The following DNAH17 variants were observed in gnomAD, a reference collection of about 807,000 sequenced individuals.
DNAH17 encodes dynein axonemal heavy chain 17, also known as axonemal beta dynein heavy chain 17.
Under a neutral mutation model 485.6 loss-of-function variants are expected in DNAH17, and 376 were observed. That is an observed-to-expected ratio of 0.77 (90% confidence interval 0.71 to 0.84). The LOEUF is 0.84. DNAH17 is among the 40% of genes least tolerant of loss of function. DNAH17 has a pLI of 0.00. For missense variants in DNAH17, 6,370 were observed against 5,839.3 expected (o/e 1.09, Z -2.96); for synonymous variants, 3,031 against 2,405.9 (o/e 1.26, Z -7.60).
chr17:78,451,102 G>T (rs574883293), intron 66 of DNAH17, among the ~76,000 whole-genome samples: 7 of 152,256 alleles, frequency 4.6e-5, no homozygotes, highest in Non-Finnish European at 8.8e-5. Context: ...GGCCTCCTGA[G>T]CCCATGCAAG....
In DNAH17 at chr17:78,572,719, G is replaced by A. The variant is rs776213977; in HGVS notation, c.521C>T (p.Thr174Met). The A allele has an allele frequency of 5.0e-5, 81 of 1,608,242 alleles. No homozygotes were observed. Among genetic ancestry groups the A allele is most frequent in the Middle Eastern group, 3.3e-4 (2 of 6,054 alleles). The part of the protein sequence containing the change: ...IPEHLGSLDG[T>M]LESMERIPSS... Reference sequence around the variant, plus strand: ...CACACACCTCTCCATGGACTCCAGCGTGCCATCCAGGCTGCCCAGGTGCTC... The same window carrying A: ...CACACACCTCTCCATGGACTCCAGCATGCCATCCAGGCTGCCCAGGTGCTC... The change falls in exon 3 of 81, where the codon ACG (threonine) becomes ATG (methionine). Residue 174 changes from threonine (T) to methionine (M), a missense_variant. By Grantham distance (81) the Thr-to-Met change is moderately conservative. Transcript: ENST00000389840.
chr17:78,454,419 G>A (rs1410814594), intron 64 of DNAH17, 51 bp downstream of exon 64: 26 of 1,469,208 alleles, frequency 1.8e-5, no homozygotes, highest in South Asian at 2.4e-5. Flanking sequence ...TGCCTAAGGC[G>A]TGCTTCCAAG....
At chr17:78,501,447 G>A in intron 34 of DNAH17, 103 bp from the exon 35 acceptor site, 1 of 1,388,136 alleles carries the variant, frequency 7.2e-7, no homozygotes, top group African/African-American at 1.4e-5. Flanking sequence ...GCTGCCCAGG[G>A]AACCCTCCCT....
At chr17:78,450,497 C>G in intron 67 of DNAH17, 103 bp from the exon 68 acceptor site, 3 of 1,500,588 alleles carry the variant, frequency 2.0e-6, no homozygotes, top group Non-Finnish European at 2.7e-6. Flanking sequence ...GGAAGCCACC[C>G]AAGGGCTCTC....
intron 6 of DNAH17, 64 bp downstream of exon 6, chr17:78,570,884 A>AAAAAAAAAT: frequency 1.4e-6 from 1 of 698,210 alleles, no homozygotes; most frequent in Non-Finnish European, 2.1e-6. Context: ...AAAAAGAAAA[A>AAAAAAAAAT]AGAAAAGAAA....
chr17:78,553,979 G>C (rs1184007865), intron 14 of DNAH17, among the ~76,000 whole-genome samples: 1 of 151,802 alleles, frequency 6.6e-6, no homozygotes, highest in Non-Finnish European at 1.5e-5. Context: ...TTTTAATATA[G>C]AGATGGGATC....
At chr17:78,428,174 G>A (rs2086544117) in intron 77 of DNAH17, 2 of 376,082 alleles carry the variant, frequency 5.3e-6, no homozygotes, top group Non-Finnish European at 1.0e-5. Flanking sequence ...CTGCTGTTGT[G>A]CTGGCCAGGC....
intron 62 of DNAH17, among the ~76,000 whole-genome samples, chr17:78,456,361 CTG>C (rs2087801290): frequency 6.6e-6 from 1 of 152,104 alleles, no homozygotes; most frequent in African/African-American, 2.4e-5. Flanking sequence ...CTTAGGAATG[CTG>C]TGTTTCCTCT....
intron 25 of DNAH17, among the ~76,000 whole-genome samples, chr17:78,519,972 G>A (rs548922190): frequency 6.6e-6 from 1 of 152,212 alleles, no homozygotes; most frequent in Non-Finnish European, 1.5e-5. Context: ...TTAGCTGGGT[G>A]TGGTGGTGGG....
chr17:78,502,515 G>A, intron 33 of DNAH17, 76 bp downstream of exon 33: 1 of 1,373,106 alleles, frequency 7.3e-7, no homozygotes, highest in Non-Finnish European at 9.8e-7. Flanking sequence ...GCAGGTTTCA[G>A]AAGGATACAC....
rs1421195350 is a variant in DNAH17, at chr17:78,425,581, C to T, written c.12916-10G>A. On this transcript the variant is annotated splice_polypyrimidine_tract_variant and intron_variant, in intron 79 of 80. Coordinates refer to ENST00000389840, the MANE Select transcript of DNAH17 (RefSeq NM_173628.4). Reference sequence around the variant, plus strand: ...TCCAGGCCTCGAGTTCCTGCAAGGACACACGAGCCGCTAGGAGGAGAGGAC... The same window carrying T: ...TCCAGGCCTCGAGTTCCTGCAAGGATACACGAGCCGCTAGGAGGAGAGGAC... The T allele has an allele frequency of 3.1e-6, 5 of 1,588,684 alleles. No individual in the cohort carries two copies. Among genetic ancestry groups the T allele is most frequent in the Non-Finnish European group, 3.4e-6 (4 of 1,168,950 alleles).
At chr17:78,481,358 C>T (rs931666253) in intron 48 of DNAH17, among the ~76,000 whole-genome samples, 1 of 152,204 alleles carries the variant, frequency 6.6e-6, no homozygotes, top group African/African-American at 2.4e-5. Context: ...CCGCCTCAGC[C>T]TCCCAAATGC....
chr17:78,544,087 C>T lies in DNAH17; in HGVS notation c.2392-90G>A, dbSNP rs139783639. The T allele has an allele frequency of 3.8e-5, 60 of 1,564,502 alleles. No individual in the cohort carries two copies. The East Asian group carries it at 8.1e-4, about 21-fold the overall frequency. On this transcript the variant is annotated intron_variant, in intron 16 of 80. Coordinates refer to ENST00000389840, the MANE Select transcript of DNAH17 (RefSeq NM_173628.4). ...TGCTGTGTGCTTTTGATGTGAGTTT[C>T]GTCACTGCTGCCTGATCTTGGATTG...
chr17:78,567,236 C>G, intron 9 of DNAH17, 70 bp from the exon 10 acceptor site: 1 of 1,521,428 alleles, frequency 6.6e-7, no homozygotes. Flanking sequence ...ACAAAACTAG[C>G]TCTGACCCCA....
At chr17:78,491,209 T>A (rs2089836748) in intron 43 of DNAH17, among the ~76,000 whole-genome samples, 2 of 152,242 alleles carry the variant, frequency 1.3e-5, no homozygotes, top group South Asian at 4.1e-4. Context: ...CCCAGGCCTT[T>A]ACTCTGAACC....
Position 78,486,644 on chromosome 17 carries a change from G to A in DNAH17, c.6819-138C>T, listed in dbSNP as rs970446101. 8.8e-5 allele frequency: 99 copies of A among 1,129,782 alleles called. No homozygotes were observed. The African/African-American group carries it at 1.4e-3, about 16-fold the overall frequency. The allele number at this position is 1,129,782 out of a possible 1,614,324, so 70.0% of individuals were successfully genotyped here. The stretch of plus-strand genomic sequence containing the variant: ...AGGGTCACCATGCCTGCATGGCAAT[G>A]GGTCCAAACGAGGGTGCCAGAGGGG... On this transcript the variant is annotated intron_variant, in intron 44 of 80. Coordinates refer to ENST00000389840, the MANE Select transcript of DNAH17 (RefSeq NM_173628.4).
chr17:78,499,002 C>CTTTA lies in DNAH17; in HGVS notation c.5745+2_5745+5dup, dbSNP rs777944255. 5.0e-6 allele frequency: 8 copies of CTTTA among 1,603,530 alleles called. No homozygotes were observed. The Admixed American group carries it at 1.4e-4, about 27-fold the overall frequency. Reference sequence around the variant, plus strand: ...TGACCCCGAGGCCGCAGGCAGGGGACTTTACCTGCACGGCAATCACAGACA... The same window carrying CTTTA: ...TGACCCCGAGGCCGCAGGCAGGGGACTTTATTTACCTGCACGGCAATCACAGACA... On this transcript the variant is annotated splice_donor_region_variant and intron_variant, in intron 37 of 80. Transcript: ENST00000389840.
chr17:78,501,638 C>A, intron 34 of DNAH17, 104 bp downstream of exon 34: 2 of 1,474,022 alleles, frequency 1.4e-6, no homozygotes, highest in South Asian at 2.6e-5. Flanking sequence ...AGAGTCAGTG[C>A]CCCAGGAAGA....
intron 21 of DNAH17, 61 bp downstream of exon 21, chr17:78,530,282 G>A: frequency 6.7e-7 from 1 of 1,493,688 alleles, no homozygotes; most frequent in Non-Finnish European, 9.0e-7. Context: ...TCAAGTGGAA[G>A]GCCACTCCCT....
Sources: allele counts gnomAD v4.1 joint callset (sites outside exome capture counted in the v4.1 genomes callset), GRCh38; gene constraint gnomAD v4.1.1; transcripts MANE v1.5; gene names NCBI Gene and HGNC (gene_info 2026-07-23, HGNC 2026-07-21).